DIP2B: variants seen among roughly 807,000 people sequenced by gnomAD.
The protein encoded by DIP2B is DIP2 acetate--CoA ligase B (putative).
In DIP2B, 76 loss-of-function variants were observed where a neutral mutation model predicts 198.0. The ratio of observed to expected loss-of-function variants is 0.38; its 90% CI spans 0.32 to 0.46. The LOEUF (loss-of-function observed/expected upper bound fraction) is 0.46. Ranked by LOEUF, DIP2B falls within the 20% of genes least tolerant of loss-of-function variation. The pLI is 0.99. For missense variants in DIP2B, 1,559 were observed against 1,978.4 expected, an observed-to-expected ratio of 0.79 and a Z score of 4.02; for synonymous variants, 701 against 739.1, an observed-to-expected ratio of 0.95 and a Z score of 0.84.
At chr12:50,630,648 C>T (rs925120219) in intron 2 of DIP2B, among the ~76,000 whole-genome samples, 2 of 147,226 alleles carry the variant, frequency 1.4e-5, no homozygotes, top group Non-Finnish European at 1.5e-5. Flanking sequence ...TTGATCACCA[C>T]GAATTCTTTC....
At chr12:50,597,097 T>G (rs978622530) in intron 1 of DIP2B, among the ~76,000 whole-genome samples, 2 of 152,184 alleles carry the variant, frequency 1.3e-5, no homozygotes, top group African/African-American at 4.8e-5. Context: ...CAAGAATATA[T>G]ACCCAGAGAC....
intron 1 of DIP2B, among the ~76,000 whole-genome samples, chr12:50,510,900 C>A (rs1958008738): frequency 6.6e-6 from 1 of 151,602 alleles, no homozygotes; most frequent in African/African-American, 2.4e-5. Flanking sequence ...CCACCTCGGC[C>A]TCCCAAAGTG....
At chr12:50,592,248 C>T (rs1958825992) in intron 1 of DIP2B, among the ~76,000 whole-genome samples, 1 of 152,140 alleles carries the variant, frequency 6.6e-6, no homozygotes. Context: ...CATCGTAGCT[C>T]ACTGCAGCCT....
chr12:50,574,471 G>T (rs541285700), intron 1 of DIP2B, among the ~76,000 whole-genome samples: 1 of 152,354 alleles, frequency 6.6e-6, no homozygotes, highest in South Asian at 2.1e-4. Context: ...TGGGCACAGT[G>T]GTGCTGGATT....
At position 50,542,236 on chromosome 12, in the gene DIP2B, G is replaced by A. The variant is rs569237152; in HGVS notation, c.100+36996G>A. Among the ~76,000 whole-genome samples the A allele has an allele frequency of 6.7e-5, 9 of 134,406 alleles. No individual in the cohort carries two copies. The East Asian group carries it at 1.7e-3, about 26-fold the overall frequency. The allele number at this position is 134,406 out of a possible 152,430, so 88.2% of individuals were successfully genotyped here. On this transcript the variant is annotated intron_variant, in intron 1 of 37. Coordinates refer to ENST00000301180, the MANE Select transcript of DIP2B (RefSeq NM_173602.3). ...TGCACTCCAGCCTGGGTGACAGAGT[G>A]AGACTCCGTCTCAAAAAAAAAAAAA...
chr12:50,537,712 G>T (rs983323509), intron 1 of DIP2B, among the ~76,000 whole-genome samples: 1 of 152,162 alleles, frequency 6.6e-6, no homozygotes, highest in Non-Finnish European at 1.5e-5. Flanking sequence ...AATGAGGAAT[G>T]CCTCTGTTTA....
At chr12:50,561,221 T>A (rs1958517035) in intron 1 of DIP2B, among the ~76,000 whole-genome samples, 1 of 152,180 alleles carries the variant, frequency 6.6e-6, no homozygotes, top group African/African-American at 2.4e-5. Flanking sequence ...CATTCTTCAT[T>A]AACTGTGCTA....
intron 3 of DIP2B, among the ~76,000 whole-genome samples, chr12:50,649,004 T>C (rs1030865084): frequency 4.6e-5 from 7 of 152,076 alleles, no homozygotes; most frequent in Non-Finnish European, 1.0e-4. Context: ...GCAAACTTCA[T>C]TTACAAAAGC....
At chr12:50,594,994 C>T (rs1958866085) in intron 1 of DIP2B, among the ~76,000 whole-genome samples, 1 of 152,168 alleles carries the variant, frequency 6.6e-6, no homozygotes, top group South Asian at 2.1e-4. Flanking sequence ...TAATGTAGTA[C>T]TATGTGCTTT....
intron 22 of DIP2B, among the ~76,000 whole-genome samples, chr12:50,712,589 G>A (rs1186771501): frequency 6.7e-6 from 1 of 149,684 alleles, no homozygotes; most frequent in African/African-American, 2.5e-5. Flanking sequence ...GGGAGAAAAA[G>A]CGAGACTCCA....
chr12:50,675,263 G>A, intron 6 of DIP2B, 66 bp from the exon 7 acceptor site: 1 of 1,567,932 alleles, frequency 6.4e-7, no homozygotes, highest in Non-Finnish European at 8.6e-7. Context: ...AGCTCCTGAG[G>A]GAACTGAGGA....
intron 4 of DIP2B, among the ~76,000 whole-genome samples, chr12:50,662,425 G>A (rs1016070319): frequency 1.8e-4 from 28 of 152,232 alleles, no homozygotes; most frequent in African/African-American, 6.5e-4. Context: ...TTACACACAT[G>A]CCTAAGACAA....
intron 21 of DIP2B, among the ~76,000 whole-genome samples, chr12:50,707,757 C>T (rs1380769984): frequency 6.6e-6 from 1 of 152,038 alleles, no homozygotes; most frequent in Non-Finnish European, 1.5e-5. Flanking sequence ...ATGAGGTGTC[C>T]TGGGAGTGCC....
chr12:50,724,024 G>A (rs1044619808), intron 27 of DIP2B, among the ~76,000 whole-genome samples: 2 of 152,204 alleles, frequency 1.3e-5, no homozygotes, highest in African/African-American at 4.8e-5. Flanking sequence ...GCAAGGGGAA[G>A]CCTTGGCCAG....
intron 1 of DIP2B, among the ~76,000 whole-genome samples, chr12:50,625,637 A>G (rs542008795): frequency 6.6e-6 from 1 of 152,362 alleles, no homozygotes; most frequent in East Asian, 1.9e-4. Flanking sequence ...TCCAGAGAGA[A>G]ATCGTTGTCA....
intron 1 of DIP2B, among the ~76,000 whole-genome samples, chr12:50,528,499 T>A (rs1350069118): frequency 1.3e-5 from 2 of 151,476 alleles, no homozygotes; most frequent in East Asian, 3.9e-4. Context: ...GCAGTATAAG[T>A]CTATTATGCT....
chr12:50,669,473 A>G (rs943052090), intron 4 of DIP2B, among the ~76,000 whole-genome samples: 3 of 152,140 alleles, frequency 2.0e-5, no homozygotes, highest in Non-Finnish European at 4.4e-5. Flanking sequence ...CCCAGGCTGG[A>G]GGGCAGTGAT....
chr12:50,695,488 C>A, intron 15 of DIP2B, 128 bp downstream of exon 15: 1 of 900,340 alleles, frequency 1.1e-6, no homozygotes. Context: ...TTAGTTACTA[C>A]AGAATTAGGT....
intron 1 of DIP2B, among the ~76,000 whole-genome samples, chr12:50,527,203 G>T (rs1440230806): frequency 6.6e-6 from 1 of 152,146 alleles, no homozygotes; most frequent in African/African-American, 2.4e-5. Flanking sequence ...TGGTTTTGTT[G>T]AACCAAGTCA....
Sources: allele counts gnomAD v4.1 joint callset (sites outside exome capture counted in the v4.1 genomes callset), GRCh38; gene constraint gnomAD v4.1.1; transcripts MANE v1.5; gene names NCBI Gene and HGNC (gene_info 2026-07-23, HGNC 2026-07-21).